Variants in RIF1 observed in about 807,000 individuals in gnomAD.
The protein encoded by RIF1 is telomere-associated protein RIF1.
Under a neutral mutation model 247.1 loss-of-function variants are expected in RIF1, and 45 were observed. That is an observed-to-expected ratio of 0.18 (90% CI 0.14 to 0.23). The LOEUF (loss-of-function observed/expected upper bound fraction) is 0.23. Ranked by LOEUF, RIF1 falls within the 10% of genes least tolerant of loss-of-function variation. RIF1 has a pLI of 1.00. For missense variants in RIF1, 2,967 were observed against 2,862.5 expected (o/e 1.04, Z -0.83); for synonymous variants, 1,087 against 978.8 (o/e 1.11, Z -2.06).
At chr2:151,417,494 A>G (rs961627915) in intron 6 of RIF1, among the ~76,000 whole-genome samples, 13 of 152,202 alleles carry the variant, frequency 8.5e-5, no homozygotes, top group Admixed American at 7.9e-4. Context: ...TAATATAACA[A>G]TAAGTAATAC....
At position 151,476,742 on chromosome 2, in the gene RIF1, T is replaced by C. The variant is rs1473032645; in HGVS notation, c.*1671T>C. The C allele has an allele frequency of 1.3e-5, 2 of 152,202 alleles. No individual in the cohort carries two copies. The highest frequency in any genetic ancestry group is 1.3e-4 in the Admixed American group (2 of 15,268). The allele number at this position is 152,202 out of a possible 1,614,324, so 9.4% of individuals were successfully genotyped here. ...ATACTAATTTCCTTAAAAGGAATTA[T>C]AATTATGATTTACATTTTACATCAT... On this transcript the variant is annotated 3_prime_UTR_variant, in exon 36 of 36. Transcript: ENST00000444746.
chr2:151,500,210 A>G (rs557809441), intron 11 of RIF1, among the ~76,000 whole-genome samples: 47 of 152,318 alleles, frequency 3.1e-4, no homozygotes, highest in African/African-American at 1.1e-3. Context: ...AAACAGAACA[A>G]AAAGACAGTG....
In RIF1 at chr2:151,465,228, C is replaced by T. The variant is rs756451065; in HGVS notation, c.5708C>T (p.Ala1903Val). ...GAGAATGTTACTGTTGAAGGAAATG[C>T]ATGTAAAGTAACAGAATCCAATCTA... ...SLENVTVEGN[A>V]CKVTESNLEK... Residue 1903 changes from alanine to valine, a missense_variant, in exon 30 of 36, where the codon GCA (alanine) becomes GTA (valine). Physicochemically the swap from Ala to Val is moderately conservative, Grantham distance 64 (BLOSUM62 0). Coordinates refer to ENST00000444746, the MANE Select transcript of RIF1 (RefSeq NM_018151.5). 1 of 1,610,436 alleles carries T rather than the reference C, an allele frequency of 6.2e-7. No individual in the cohort carries two copies. Among genetic ancestry groups the T allele is most frequent in the Admixed American group, 1.7e-5 (1 of 59,124 alleles).
chr2:151,497,873 G>A, intron 10 of RIF1: 1 of 1,504,026 alleles, frequency 6.6e-7, no homozygotes, highest in African/African-American at 1.4e-5. Context: ...CTGTTGTTGG[G>A]ATAGGGAATC....
chr2:151,411,518 T>C (rs1686226947), intron 3 of RIF1, among the ~76,000 whole-genome samples, 180 bp downstream of exon 3: 1 of 152,096 alleles, frequency 6.6e-6, no homozygotes, highest in East Asian at 1.9e-4. Flanking sequence ...TTCTCTTGCC[T>C]CAGCCTCCTG....
chr2:151,416,423 G>C, intron 4 of RIF1, 138 bp from the exon 5 acceptor site: 2 of 754,690 alleles, frequency 2.7e-6, no homozygotes. Context: ...TTTGGTATCA[G>C]CATTGGTTCT....
Position 151,480,607 on chromosome 2 carries a change from A to G in RIF1, c.*5536A>G, listed in dbSNP as rs2049126078. ...ACTCCCACAAAAGCAGTAAGTTAAT[A>G]AGTATTTCCAACAAAAGGCAGCTTT... is the stretch of plus-strand genomic sequence containing the variant. On this transcript the variant is annotated 3_prime_UTR_variant, in exon 36 of 36. Transcript: ENST00000444746. 1 of 152,216 alleles carries G rather than the reference A, an allele frequency of 6.6e-6. No homozygotes were observed. Among genetic ancestry groups the G allele is most frequent in the Non-Finnish European group, 1.5e-5 (1 of 68,026 alleles). 9.4% of individuals were successfully genotyped at this position (152,216 alleles called of 1,614,324 possible). A position where few individuals can be genotyped will look rare whatever the true frequency, so the allele number is the denominator to read the frequency against.
rs761244053 is a variant in RIF1, at chr2:151,435,568, C to T, written c.1183C>T (p.Pro395Ser). ...ATSPGLNPMT[P>S]VHKGASSPYG... The stretch of plus-strand genomic sequence containing the variant: ...ATCTCCAGGTTTAAATCCTATGACT[C>T]CTGTACACAAAGGTAAGAGGTAGAT... The change falls in exon 11 of 36, where the codon CCT becomes TCT. Residue 395 changes from proline to serine, a missense_variant. By Grantham distance (74) the Pro-to-Ser change is moderately conservative. Coordinates refer to ENST00000444746, the MANE Select transcript of RIF1 (RefSeq NM_018151.5). 1.3e-6 allele frequency: 2 copies of T among 1,573,994 alleles called. No homozygotes were observed. The highest frequency in any genetic ancestry group is 1.3e-5 in the African/African-American group (1 of 74,130).
At chr2:151,451,813 A>G (rs867028505) in intron 21 of RIF1, 108 bp downstream of exon 21, 25 of 629,640 alleles carry the variant, frequency 4.0e-5, no homozygotes, top group Middle Eastern at 2.6e-4. Context: ...CTAACTTTTG[A>G]TCTTGTTTAA....
chr2:151,468,149 A>G lies in RIF1; in HGVS notation c.6747+3A>G, dbSNP rs1697238710. 6.2e-7 allele frequency: 1 copy of G among 1,607,656 alleles called. No individual in the cohort carries two copies. The highest frequency in any genetic ancestry group is 1.1e-5 in the South Asian group (1 of 90,374). Reference sequence around the variant, plus strand: ...CTTCTCCTACTACACAATCTAAGGTAAGCTATAGGCTTTAAAATATACATA... The same window carrying G: ...CTTCTCCTACTACACAATCTAAGGTGAGCTATAGGCTTTAAAATATACATA... On this transcript the variant is annotated splice_donor_region_variant and intron_variant, in intron 31 of 35. Transcript: ENST00000444746.
At chr2:151,434,802 T>G (rs1469253317) in intron 10 of RIF1, among the ~76,000 whole-genome samples, 1 of 152,120 alleles carries the variant, frequency 6.6e-6, no homozygotes, top group African/African-American at 2.4e-5. Flanking sequence ...CATTTCTTTA[T>G]CACTTATTTT....
At chr2:151,531,657 A>T in the RIF1 span, 1 of 705,400 alleles carries the variant, frequency 1.4e-6, no homozygotes, top group Non-Finnish European at 2.5e-6. Context: ...TGTGCATAAC[A>T]GGACATCTCG....
In RIF1 at chr2:151,474,057, G is replaced by C; in HGVS notation, c.7189G>C (p.Glu2397Gln). The change falls in exon 35 of 36, where the codon GAA (glutamate) becomes CAA (glutamine). Residue 2397 changes from glutamate to glutamine, a missense_variant. Glu to Gln is a conservative substitution (Grantham distance 29). Around this residue, in one of 7 missense-constraint regions of RIF1, gnomAD observed 151 missense variants for 163.4 expected, o/e 0.92. Transcript: ENST00000444746. ...IENKSLSPDE[E>Q]RLVSDIIDPV... ...AAATAAATCTTTGTCACCTGATGAAGAAAGACTTGTCTCAGGTATATTTTA... is the reference window on the plus strand; with the variant it reads ...AAATAAATCTTTGTCACCTGATGAACAAAGACTTGTCTCAGGTATATTTTA... The C allele has an allele frequency of 6.7e-7, 1 of 1,503,358 alleles. No individual in the cohort carries two copies. Among genetic ancestry groups the C allele is most frequent in the Non-Finnish European group, 9.2e-7 (1 of 1,084,206 alleles). The allele number at this position is 1,503,358 out of a possible 1,614,324, so 93.1% of individuals were successfully genotyped here. A position where few individuals can be genotyped will look rare whatever the true frequency, so the allele number is the denominator to read the frequency against.
intron 9 of RIF1, among the ~76,000 whole-genome samples, chr2:151,429,836 G>A (rs1221902698): frequency 6.6e-6 from 1 of 152,140 alleles, no homozygotes; most frequent in Admixed American, 6.5e-5. Context: ...GCCCAAAACT[G>A]TGTTAGTATG....
rs1575502637 is a variant in RIF1 at position 151,507,768 on chromosome 2, T to C, written c.*1067T>C. On this transcript the variant is annotated 3_prime_UTR_variant and NMD_transcript_variant, in exon 14 of 14. Coordinates refer to the RIF1 transcript ENST00000454583. ...AACCTTGCCATGGGTGAGGAAAAGA[T>C]ACTATATTTTCTCCCCAATACCACC... 2.1e-5 allele frequency: 10 copies of C among 475,554 alleles called. No individual in the cohort carries two copies. In the East Asian group the frequency reaches 3.2e-4, roughly 15 times the overall value. The allele number at this position is 475,554 out of a possible 1,614,324, so 29.5% of individuals were successfully genotyped here. A position where few individuals can be genotyped will look rare whatever the true frequency, so the allele number is the denominator to read the frequency against.
At chr2:151,515,382 A>G in the RIF1 span, among the ~76,000 whole-genome samples, 2 of 152,168 alleles carry the variant, frequency 1.3e-5, no homozygotes, top group African/African-American at 2.4e-5. Flanking sequence ...TTTCCTAATC[A>G]TGACCTGTTT....
intron 34 of RIF1, among the ~76,000 whole-genome samples, chr2:151,470,996 A>G (rs1697714340): frequency 6.6e-6 from 1 of 152,160 alleles, no homozygotes; most frequent in African/African-American, 2.4e-5. Context: ...ACAGAGTTAA[A>G]TAATATTCCC....
chr2:151,450,222 ATG>A (rs926743991), intron 20 of RIF1, among the ~76,000 whole-genome samples: 1 of 151,650 alleles, frequency 6.6e-6, no homozygotes, highest in African/African-American at 2.4e-5. Context: ...TTTTATGGAT[ATG>A]TGTTGCTATT....
chr2:151,440,372 A>T (rs183830232), intron 15 of RIF1, among the ~76,000 whole-genome samples: 2 of 152,350 alleles, frequency 1.3e-5, no homozygotes, highest in Admixed American at 1.3e-4. Flanking sequence ...TCCGCCATAC[A>T]GAGAAAAACT....
Sources: gnomAD v4.1 joint callset for allele counts (sites outside exome capture counted in the v4.1 genomes callset) on GRCh38, gnomAD v4.1.1 for gene constraint, gnomAD v4.1.1 regional missense constraint, MANE v1.5 for transcripts, NCBI Gene and HGNC (gene_info 2026-07-23, HGNC 2026-07-21) for gene names.